Variants in GAS2 observed in about 807,000 individuals in gnomAD.
GAS2 encodes the protein growth arrest-specific protein 2.
Under a neutral mutation model 37.5 loss-of-function variants are expected in GAS2, and 20 were observed. That is an observed-to-expected ratio of 0.53 (90% CI 0.37 to 0.77). GAS2 has a LOEUF of 0.77. GAS2 is among the 30% of genes least tolerant of loss of function. GAS2 has a pLI of 0.00. For synonymous variants in GAS2, 144 were observed against 132.2 expected, an observed-to-expected ratio of 1.09 and a Z score of -0.61; for missense variants, 336 against 373.4, an observed-to-expected ratio of 0.90 and a Z score of 0.82.
rs182555475 is a variant in GAS2 at position 22,631,530 on chromosome 11, A to T, written c.-21+5717A>T. Among the ~76,000 whole-genome samples the T allele has an allele frequency of 3.9e-5, 6 of 152,252 alleles. No individual in the cohort carries two copies. In the East Asian group the frequency reaches 1.2e-3, roughly 29 times the overall value. ...TAGTTTGTTGAGGTTTATGTCATAAAGGGATGCTGGATTTTATTGATTGCT... is the reference window on the plus strand; with the variant it reads ...TAGTTTGTTGAGGTTTATGTCATAATGGGATGCTGGATTTTATTGATTGCT... On this transcript the variant is annotated intron_variant, in intron 1 of 5. Coordinates refer to the GAS2 transcript ENST00000528582.
At position 22,784,180 on chromosome 11, in the gene GAS2, T is replaced by C. The variant is rs529754830; in HGVS notation, c.724-27618T>C. ...CTTTTTCTATGTGTGTGAAAAATGA[T>C]TGGTAGTTTGATAGGAATAGTGTTG... On this transcript the variant is annotated intron_variant, in intron 7 of 7. Coordinates refer to ENST00000454584, the MANE Select transcript of GAS2 (RefSeq NM_001143830.3). Among the ~76,000 whole-genome samples the C allele has an allele frequency of 2.6e-3, 401 of 152,268 alleles. 2 individuals are homozygous for C. Among genetic ancestry groups the C allele is most frequent in the African/African-American group, 9.3e-3 (385 of 41,568 alleles).
chr11:22,797,498 TCAAA>T (rs1856485223), intron 7 of GAS2, among the ~76,000 whole-genome samples: 2 of 152,050 alleles, frequency 1.3e-5, no homozygotes, highest in African/African-American at 4.8e-5. Flanking sequence ...AGTTCACCCT[TCAAA>T]TAAAGATTTG....
At chr11:22,628,305 A>T (rs964575860) in intron 1 of GAS2, among the ~76,000 whole-genome samples, 2 of 152,218 alleles carry the variant, frequency 1.3e-5, no homozygotes, top group Non-Finnish European at 2.9e-5. Flanking sequence ...TTCTGGGAAG[A>T]CTACAGAGGA....
intron 3 of GAS2, among the ~76,000 whole-genome samples, chr11:22,695,325 G>GA (rs35423770): frequency 1.7e-4 from 25 of 146,918 alleles, no homozygotes; most frequent in South Asian, 4.3e-4. Flanking sequence ...TTCTCAAAAA[G>GA]AAAAAAAAAA....
chr11:22,793,337 T>G (rs2134590455), intron 7 of GAS2, among the ~76,000 whole-genome samples: 1 of 151,212 alleles, frequency 6.6e-6, no homozygotes. Context: ...CAAAAGTGAG[T>G]TTTATGTATA....
At chr11:22,753,881 G>A (rs553957130) in intron 6 of GAS2, among the ~76,000 whole-genome samples, 1 of 152,154 alleles carries the variant, frequency 6.6e-6, no homozygotes, top group South Asian at 2.1e-4. Flanking sequence ...AACATTCATT[G>A]GTCCTGTGAC....
At chr11:22,645,503 A>G (rs763694543) in intron 1 of GAS2, among the ~76,000 whole-genome samples, 6 of 151,120 alleles carry the variant, frequency 4.0e-5, no homozygotes, top group Non-Finnish European at 7.4e-5. Flanking sequence ...TGACTGTCTT[A>G]AAAATATATA....
chr11:22,806,257 G>A (rs1294034512), intron 7 of GAS2, among the ~76,000 whole-genome samples: 1 of 151,974 alleles, frequency 6.6e-6, no homozygotes, highest in African/African-American at 2.4e-5. Context: ...GTTCATTCTC[G>A]TTGTTGCAAA....
At chr11:22,667,657 C>T (rs1478078257) in intron 1 of GAS2, among the ~76,000 whole-genome samples, 1 of 152,170 alleles carries the variant, frequency 6.6e-6, no homozygotes, top group East Asian at 1.9e-4. Flanking sequence ...TCTGTCAACT[C>T]AGTATGGTAA....
intron 1 of GAS2, among the ~76,000 whole-genome samples, chr11:22,627,370 C>T (rs2133800726): frequency 6.6e-6 from 1 of 152,258 alleles, no homozygotes; most frequent in African/African-American, 2.4e-5. Context: ...TCATCTTGTA[C>T]CATTTAAGAG....
At chr11:22,681,478 A>T (rs1849682038) in intron 2 of GAS2, among the ~76,000 whole-genome samples, 1 of 152,186 alleles carries the variant, frequency 6.6e-6, no homozygotes. Context: ...TTACTTCTAA[A>T]CTAGGACACT....
chr11:22,685,632 A>C, intron 2 of GAS2, 36 bp from the exon 3 acceptor site: 1 of 1,598,576 alleles, frequency 6.3e-7, no homozygotes, highest in Non-Finnish European at 8.5e-7. Flanking sequence ...CTGACATTTG[A>C]TTTTCCTTTT....
intron 5 of GAS2, among the ~76,000 whole-genome samples, chr11:22,742,895 C>T (rs560076889): frequency 6.6e-6 from 1 of 152,132 alleles, no homozygotes; most frequent in African/African-American, 2.4e-5. Flanking sequence ...TCCAATTCAC[C>T]TAATTTAAGT....
chr11:22,793,581 AT>A (rs1406922340), intron 7 of GAS2, among the ~76,000 whole-genome samples: 1 of 152,180 alleles, frequency 6.6e-6, no homozygotes, highest in Non-Finnish European at 1.5e-5. Flanking sequence ...GTGAAGAGAA[AT>A]AGGAAGAACA....
intron 1 of GAS2, among the ~76,000 whole-genome samples, chr11:22,633,170 C>T (rs1858767963): frequency 1.3e-5 from 2 of 152,140 alleles, no homozygotes; most frequent in South Asian, 4.1e-4. Context: ...GATTTCTTCT[C>T]ATTTGGGTAG....
chr11:22,649,169 G>A (rs1188659159), intron 1 of GAS2, among the ~76,000 whole-genome samples: 4 of 151,124 alleles, frequency 2.6e-5, no homozygotes, highest in Non-Finnish European at 5.9e-5. Context: ...CATCTATTGA[G>A]ATAATCATGT....
intron 3 of GAS2, among the ~76,000 whole-genome samples, chr11:22,707,640 T>A (rs1393238534): frequency 2.6e-5 from 4 of 152,040 alleles, no homozygotes; most frequent in African/African-American, 9.7e-5. Flanking sequence ...TGCAAAAAAA[T>A]GTACAGAGAA....
chr11:22,726,322 A>C lies in GAS2; in HGVS notation c.298A>C (p.Thr100Pro), dbSNP rs781349255. The C allele has an allele frequency of 6.2e-7, 1 of 1,609,022 alleles. No individual in the cohort carries two copies. The highest frequency in any genetic ancestry group is 2.2e-5 in the East Asian group (1 of 44,800). Residue 100 changes from threonine to proline, a missense_variant, in exon 4 of 8, where the codon ACC (threonine) becomes CCC (proline). Physicochemically the swap from Thr to Pro is conservative, Grantham distance 38 (BLOSUM62 -1). Transcript: ENST00000454584. ...NLPLKKIPCKTSAPSGSFFAR... is the reference protein window; with the variant it reads ...NLPLKKIPCKPSAPSGSFFAR... ...ACCGTTGAAGAAGATCCCATGCAAAACCAGTGCACCCTCGGGCTCCTTTTT... is the reference window on the plus strand; with the variant it reads ...ACCGTTGAAGAAGATCCCATGCAAACCCAGTGCACCCTCGGGCTCCTTTTT...
chr11:22,755,864 G>A lies in GAS2; in HGVS notation c.634G>A (p.Asp212Asn). The part of the protein sequence containing the change: ...LDDAVKRISE[D>N]PPCKCPNKFC... The stretch of plus-strand genomic sequence containing the variant: ...ATTTCAGGTGAAACGAATTTCTGAA[G>A]ATCCTCCTTGCAAATGCCCAAACAA... The change falls in exon 7 of 8, where the codon GAT becomes AAT. Residue 212 changes from aspartate to asparagine, a missense_variant. Physicochemically the swap from Asp to Asn is conservative, Grantham distance 23. Transcript: ENST00000454584. 6.2e-7 allele frequency: 1 copy of A among 1,612,834 alleles called. No individual in the cohort carries two copies. Among genetic ancestry groups the A allele is most frequent in the East Asian group, 2.2e-5 (1 of 44,836 alleles).
Sources: gnomAD v4.1 joint callset for allele counts (sites outside exome capture counted in the v4.1 genomes callset) on GRCh38, gnomAD v4.1.1 for gene constraint, MANE v1.5 for transcripts, NCBI Gene and HGNC (gene_info 2026-07-23, HGNC 2026-07-21) for gene names.